DPRX: variants seen among roughly 807,000 people sequenced by gnomAD.
DPRX encodes the protein divergent paired-related homeobox.
DPRX carries 11 observed loss-of-function variants against 8.4 expected under a neutral mutation model. The ratio of observed to expected loss-of-function variants is 1.31; its 90% CI spans 0.82 to 2.17. DPRX has a LOEUF of 2.17. Among genes scored for constraint, DPRX ranks in the 30% most tolerant of loss-of-function variants. The probability of loss-of-function intolerance (pLI) is 0.00; values close to 1 mark genes in which losing one functional copy is unlikely to be tolerated. For missense variants in DPRX, 211 were observed against 236.7 expected, an observed-to-expected ratio of 0.89 and a Z score of 0.71; for synonymous variants, 72 against 87.0, an observed-to-expected ratio of 0.83 and a Z score of 0.96.
At chr19:53,624,452 G>C in the DPRX span, among the ~76,000 whole-genome samples, 2 of 151,582 alleles carry the variant, frequency 1.3e-5, no homozygotes, top group African/African-American at 4.8e-5. Context: ...GCCCAGGCTA[G>C]AGTGCAGTGG....
At chr19:53,618,155 AG>A in the DPRX span, among the ~76,000 whole-genome samples, 10 of 59,858 alleles carry the variant, frequency 1.7e-4, no homozygotes, top group Non-Finnish European at 2.3e-4. Flanking sequence ...AAAAAAAAAA[AG>A]AAAGAAAGAA....
At chr19:53,602,228 G>C in the DPRX span, 1 of 427,628 alleles carries the variant, frequency 2.3e-6, no homozygotes. Context: ...TGAAGATCTC[G>C]GGCCACATCC....
the DPRX span, among the ~76,000 whole-genome samples, chr19:53,613,373 A>G: frequency 1.3e-5 from 2 of 151,898 alleles, no homozygotes; most frequent in African/African-American, 2.4e-5. Context: ...TTGAGATGGA[A>G]TCTCGCTCTG....
At chr19:53,624,773 C>T in the DPRX span, among the ~76,000 whole-genome samples, 2,543 of 139,192 alleles carry the variant, frequency 0.018, 70 homozygotes, top group African/African-American at 0.064. Context: ...ACCCGGGAGA[C>T]GGGCATTGCA....
chr19:53,629,024 G>T (rs1393291191), upstream of DPRX, among the ~76,000 whole-genome samples: 1 of 151,812 alleles, frequency 6.6e-6, no homozygotes, highest in Admixed American at 6.6e-5. Context: ...TAATTCAGCT[G>T]TAAAAGGGGC....
At chr19:53,623,946 G>A in the DPRX span, among the ~76,000 whole-genome samples, 4 of 143,736 alleles carry the variant, frequency 2.8e-5, no homozygotes, top group Admixed American at 7.0e-5. Context: ...GTGAAACTCC[G>A]TCTCAAAAAA....
At chr19:53,615,469 C>G in the DPRX span, among the ~76,000 whole-genome samples, 1 of 151,612 alleles carries the variant, frequency 6.6e-6, no homozygotes, top group Non-Finnish European at 1.5e-5. Flanking sequence ...TTAGCAGAGA[C>G]GGGGTTTTGC....
At chr19:53,605,638 ATATTG>A in the DPRX span, among the ~76,000 whole-genome samples, 1,369 of 151,228 alleles carry the variant, frequency 9.1e-3, 13 homozygotes, top group African/African-American at 0.026. Context: ...CCCATTTTCT[ATATTG>A]TATTGTATTG....
At chr19:53,602,821 G>A in the DPRX span, among the ~76,000 whole-genome samples, 22 of 151,644 alleles carry the variant, frequency 1.5e-4, no homozygotes, top group Non-Finnish European at 2.1e-4. Flanking sequence ...GATTACAGGC[G>A]TGAGCCACTG....
upstream of DPRX, among the ~76,000 whole-genome samples, chr19:53,629,187 A>G (rs928041678): frequency 2.0e-5 from 3 of 151,262 alleles, no homozygotes; most frequent in African/African-American, 7.3e-5. Context: ...GTTAGTGCAC[A>G]CCTGTAATCC....
At chr19:53,611,822 G>A in the DPRX span, among the ~76,000 whole-genome samples, 1 of 152,114 alleles carries the variant, frequency 6.6e-6, no homozygotes, top group African/African-American at 2.4e-5. Flanking sequence ...AGTGGCTCAC[G>A]CCTGGAATCC....
the DPRX span, among the ~76,000 whole-genome samples, chr19:53,613,606 C>T: frequency 2.0e-5 from 3 of 151,730 alleles, no homozygotes; most frequent in African/African-American, 7.3e-5. Context: ...GGGATCTGCC[C>T]ACCTCGGCCT....
At chr19:53,606,593 AAGC>A in the DPRX span, 1 of 152,662 alleles carries the variant, frequency 6.6e-6, no homozygotes, top group Non-Finnish European at 1.5e-5. This position sits in a 1 kb window ranked among gnomAD's most constrained non-coding sequence, Gnocchi z 4.8. Context: ...ATAGGCCAAG[AAGC>A]AGATGAAGAT....
upstream of DPRX, chr19:53,632,026 A>T: frequency 3.8e-6 from 6 of 1,596,526 alleles, no homozygotes; most frequent in Non-Finnish European, 5.1e-6. Context: ...GTGGCTGTGG[A>T]GGAAGCTACT....
upstream of DPRX, among the ~76,000 whole-genome samples, chr19:53,628,023 C>T (rs1600567876): frequency 6.6e-6 from 1 of 151,776 alleles, no homozygotes; most frequent in African/African-American, 2.4e-5. Context: ...CAGAGTAAGA[C>T]TCCATCTCAA....
the DPRX span, among the ~76,000 whole-genome samples, chr19:53,610,266 G>T: frequency 6.6e-6 from 1 of 151,722 alleles, no homozygotes. Flanking sequence ...GTTGCAGTGA[G>T]CAGAGATCAC....
At chr19:53,633,845 T>C (rs1312797572) in intron 1 of DPRX, among the ~76,000 whole-genome samples, 1 of 151,626 alleles carries the variant, frequency 6.6e-6, no homozygotes, top group Non-Finnish European at 1.5e-5. Context: ...GGTTTCACCA[T>C]GCTGGCCAGG....
chr19:53,608,659 T>G, the DPRX span, among the ~76,000 whole-genome samples: 11 of 152,020 alleles, frequency 7.2e-5, no homozygotes, highest in Admixed American at 7.2e-4. Context: ...TGCTTTCAAA[T>G]GGTTCATTTC....
At chr19:53,628,914 A>G (rs2091080853), upstream of DPRX, among the ~76,000 whole-genome samples, 1 of 151,918 alleles carries the variant, frequency 6.6e-6, no homozygotes, top group Non-Finnish European at 1.5e-5. Flanking sequence ...ACTCTAAAAT[A>G]AAGTCCCATA....
Sources: gnomAD v4.1 joint callset for allele counts (sites outside exome capture counted in the v4.1 genomes callset) on GRCh38, gnomAD v4.1.1 for gene constraint, Gnocchi (gnomAD v3.1) non-coding constraint, MANE v1.5 for transcripts, NCBI Gene and HGNC (gene_info 2026-07-23, HGNC 2026-07-21) for gene names.